The following ARMC9 variants were observed in gnomAD, a reference collection of about 807,000 sequenced individuals.
ARMC9 encodes the protein armadillo repeat containing 9.
Under a neutral mutation model 107.0 loss-of-function variants are expected in ARMC9, and 94 were observed. That is an observed-to-expected ratio of 0.88 (90% CI 0.74 to 1.04). ARMC9 has a LOEUF of 1.04. Among genes scored for constraint, ARMC9 ranks in the 50% least tolerant of loss-of-function variants. The pLI is 0.00. For synonymous variants in ARMC9, 380 were observed against 396.9 expected (o/e 0.96, Z 0.51); for missense variants, 942 against 1,030.1 (o/e 0.91, Z 1.17).
chr2:231,318,478 A>G (rs758505662), intron 19 of ARMC9, among the ~76,000 whole-genome samples: 12 of 152,068 alleles, frequency 7.9e-5, no homozygotes, highest in Non-Finnish European at 1.3e-4. Flanking sequence ...AGATGTGGGG[A>G]GATTGTAACA....
chr2:231,298,844 G>C (rs561164864), intron 19 of ARMC9, among the ~76,000 whole-genome samples: 47 of 152,320 alleles, frequency 3.1e-4, no homozygotes, highest in African/African-American at 1.1e-3. Context: ...TGAGGCACGA[G>C]AATCACCTGA....
At chr2:231,343,493 T>C (rs533166833) in intron 20 of ARMC9, among the ~76,000 whole-genome samples, 43 of 152,182 alleles carry the variant, frequency 2.8e-4, no homozygotes, top group Non-Finnish European at 5.3e-4. Flanking sequence ...CAGGCGCCCT[T>C]CACATAATTT....
At chr2:231,291,762 C>G (rs748008868) in intron 18 of ARMC9, among the ~76,000 whole-genome samples, 25 of 150,718 alleles carry the variant, frequency 1.7e-4, no homozygotes, top group Admixed American at 3.3e-4. Flanking sequence ...TTGCAGTGAG[C>G]CGAGATTGCA....
At position 231,371,438 on chromosome 2, in the gene ARMC9, G is replaced by A; in HGVS notation, c.2435-75G>A. ...CTCGCTTCTGAGCCGGCTGAAAGAGGGACTGAGTGGGACAGAGGGGATTCT... is the reference window on the plus strand; with the variant it reads ...CTCGCTTCTGAGCCGGCTGAAAGAGAGACTGAGTGGGACAGAGGGGATTCT... On this transcript the variant is annotated intron_variant, in intron 24 of 24. Coordinates refer to ENST00000611582, the MANE Select transcript of ARMC9 (RefSeq NM_001352754.2). 3.0e-6 allele frequency: 4 copies of A among 1,330,514 alleles called. No homozygotes were observed. In the South Asian group the frequency reaches 6.8e-5, roughly 22 times the overall value. 82.4% of individuals were successfully genotyped at this position (1,330,514 alleles called of 1,614,324 possible). A position where few individuals can be genotyped will look rare whatever the true frequency, so the allele number is the denominator to read the frequency against.
At position 231,296,176 on chromosome 2, in the gene ARMC9, T is replaced by C. The variant is rs56861726; in HGVS notation, c.1718-22T>C. On this transcript the variant is annotated intron_variant, in intron 18 of 24. Transcript: ENST00000611582. ...GCTCCCACTGTTTATCCATTATTCA[T>C]TGATTCTTTTTTTCTTTATAGAAGA... 8.0e-4 allele frequency: 1,282 copies of C among 1,593,974 alleles called. 10 individuals carry two copies. In the African/African-American group the frequency reaches 0.015, roughly 19 times the overall value.
At chr2:231,272,556 A>T (rs930541338) in intron 13 of ARMC9, among the ~76,000 whole-genome samples, 1 of 151,116 alleles carries the variant, frequency 6.6e-6, no homozygotes, top group Non-Finnish European at 1.5e-5. Flanking sequence ...TCGCTCCGTC[A>T]TTCAGGCTAG....
chr2:231,291,467 G>C (rs745823266), intron 18 of ARMC9, 24 bp downstream of exon 18: 78 of 1,599,146 alleles, frequency 4.9e-5, no homozygotes, highest in Non-Finnish European at 6.1e-5. Flanking sequence ...AAGAATCTTT[G>C]ATCTATCTTT....
chr2:231,235,346 G>T lies in ARMC9; in HGVS notation c.745G>T (p.Val249Leu). The T allele has an allele frequency of 6.2e-7, 1 of 1,614,212 alleles. No individual in the cohort carries two copies. The highest frequency in any genetic ancestry group is 8.5e-7 in the Non-Finnish European group (1 of 1,180,038). ...TCTCATTGGAGTCACAGCAGAGCTG[G>T]TGGATTCTCTAGAGGCCACAGTCAG... is the stretch of plus-strand genomic sequence containing the variant. ...HNLIGVTAELVDSLEATVSGK... is the reference protein window; with the variant it reads ...HNLIGVTAELLDSLEATVSGK... Residue 249 changes from valine to leucine, a missense_variant, in exon 8 of 25, where the codon GTG becomes TTG. Transcript: ENST00000611582.
Position 231,315,754 on chromosome 2 carries a change from C to G in ARMC9, c.1774-16039C>G, listed in dbSNP as rs150929043. Among the ~76,000 whole-genome samples, 694 of 152,114 alleles carry G rather than the reference C, an allele frequency of 4.6e-3. 5 individuals are homozygous for G. The highest frequency in any genetic ancestry group is 0.016 in the African/African-American group (668 of 41,478). ...ATTCATATTAATGTAATAATTGATA[C>G]GGTTGGGTTTAATTCTGCCATTTGC... On this transcript the variant is annotated intron_variant, in intron 19 of 24. Transcript: ENST00000611582.
intron 17 of ARMC9, among the ~76,000 whole-genome samples, chr2:231,289,466 C>CA (rs763047018): frequency 7.9e-5 from 12 of 152,146 alleles, no homozygotes; most frequent in Non-Finnish European, 1.8e-4. Flanking sequence ...GACTCCATCT[C>CA]AAAAAATAAA....
At chr2:231,345,424 C>T (rs1204996324) in intron 21 of ARMC9, among the ~76,000 whole-genome samples, 2 of 152,166 alleles carry the variant, frequency 1.3e-5, no homozygotes, top group Non-Finnish European at 2.9e-5. Context: ...TGTGGCCTCT[C>T]GTCACAGCAC....
At chr2:231,305,702 T>C (rs1167646670) in intron 19 of ARMC9, among the ~76,000 whole-genome samples, 1 of 152,194 alleles carries the variant, frequency 6.6e-6, no homozygotes, top group Non-Finnish European at 1.5e-5. Context: ...CAAGGTTCTT[T>C]ACTGGCCGTG....
chr2:231,256,164 C>G (rs1454880696), intron 9 of ARMC9: 12 of 1,535,838 alleles, frequency 7.8e-6, no homozygotes, highest in African/African-American at 6.9e-5. Flanking sequence ...AGGACCGGCT[C>G]TCAGGGACAG....
chr2:231,342,399 G>A (rs1459453893), intron 20 of ARMC9, among the ~76,000 whole-genome samples: 4 of 152,338 alleles, frequency 2.6e-5, no homozygotes, highest in Non-Finnish European at 5.9e-5. Flanking sequence ...TACGTGACAT[G>A]TTCTGTCATT....
At chr2:231,201,587 C>T in intron 1 of ARMC9, among the ~76,000 whole-genome samples, 1 of 152,234 alleles carries the variant, frequency 6.6e-6, no homozygotes, top group African/African-American at 2.4e-5. Flanking sequence ...CCACTCCTTT[C>T]CATCTTTCAC....
At chr2:231,286,240 A>G (rs994308665) in intron 17 of ARMC9, among the ~76,000 whole-genome samples, 10 of 152,056 alleles carry the variant, frequency 6.6e-5, no homozygotes, top group African/African-American at 2.2e-4. Flanking sequence ...CTCAGCCTCC[A>G]GAGTAGCTGG....
At chr2:231,311,277 T>G (rs750783387) in intron 19 of ARMC9, among the ~76,000 whole-genome samples, 1 of 152,218 alleles carries the variant, frequency 6.6e-6, no homozygotes, top group African/African-American at 2.4e-5. Flanking sequence ...ATATCCTCTT[T>G]CCTGGTGGAG....
At chr2:231,308,610 A>T (rs543947972) in intron 19 of ARMC9, among the ~76,000 whole-genome samples, 2 of 152,328 alleles carry the variant, frequency 1.3e-5, no homozygotes, top group Admixed American at 1.3e-4. Flanking sequence ...GATCATGTGT[A>T]GGGCGAAACT....
rs764167784 is a variant in ARMC9 at position 231,255,393 on chromosome 2, A to C, written c.880-1193A>C. Among the ~76,000 whole-genome samples the C allele has an allele frequency of 6.6e-6, 1 of 152,228 alleles. No individual in the cohort carries two copies. Among genetic ancestry groups the C allele is most frequent in the Non-Finnish European group, 1.5e-5 (1 of 68,036 alleles). On this transcript the variant is annotated intron_variant, in intron 9 of 24. Transcript: ENST00000611582. This position sits in a 1 kb window ranked among gnomAD's most constrained non-coding sequence, Gnocchi z 4.7. ...TTTTTATACTTGAAGAGAAAATCTT[A>C]ATAAAGAAAAAAACCAGAATAATAT... is the stretch of plus-strand genomic sequence containing the variant.
Sources: gnomAD v4.1 joint callset for allele counts (sites outside exome capture counted in the v4.1 genomes callset) on GRCh38, gnomAD v4.1.1 for gene constraint, Gnocchi (gnomAD v3.1) non-coding constraint, MANE v1.5 for transcripts, NCBI Gene and HGNC (gene_info 2026-07-23, HGNC 2026-07-21) for gene names.